GALNT13: variants seen among roughly 807,000 people sequenced by gnomAD.
The protein encoded by GALNT13 is UDP-GalNAc:polypeptide N-acetylgalactosaminyltransferase 13.
A neutral mutation model predicts 64.2 loss-of-function variants in GALNT13; 28 were observed. The ratio of observed to expected loss-of-function variants is 0.44; its 90% CI spans 0.32 to 0.60. The LOEUF (loss-of-function observed/expected upper bound fraction) is 0.60. Ranked by LOEUF, GALNT13 falls within the 20% of genes least tolerant of loss-of-function variation. GALNT13 has a pLI of 0.05. For missense variants in GALNT13, 577 were observed against 669.8 expected (o/e 0.86, Z 1.53); for synonymous variants, 214 against 224.6 (o/e 0.95, Z 0.42).
At chr2:153,331,930 T>C in the GALNT13 span, among the ~76,000 whole-genome samples, 6 of 152,202 alleles carry the variant, frequency 3.9e-5, no homozygotes, top group African/African-American at 1.4e-4. Flanking sequence ...GGAATTTATC[T>C]ATTTACTCTA....
the GALNT13 span, chr2:153,201,622 C>T: frequency 1.3e-5 from 2 of 152,036 alleles, no homozygotes; most frequent in African/African-American, 4.8e-5. Context: ...CATCCACCAA[C>T]TCTATTTTAG....
the GALNT13 span, among the ~76,000 whole-genome samples, chr2:153,191,204 T>C: frequency 1.3e-5 from 2 of 152,112 alleles, no homozygotes; most frequent in Non-Finnish European, 2.9e-5. Context: ...ATGTTAGCTG[T>C]ATGTTTGTCT....
the GALNT13 span, among the ~76,000 whole-genome samples, chr2:153,331,152 A>C: frequency 6.6e-6 from 1 of 152,072 alleles, no homozygotes; most frequent in Non-Finnish European, 1.5e-5. Flanking sequence ...TAACTTTTCA[A>C]ATTGCTGTTA....
chr2:153,562,236 C>T, the GALNT13 span, among the ~76,000 whole-genome samples: 1 of 152,082 alleles, frequency 6.6e-6, no homozygotes, highest in African/African-American at 2.4e-5. Flanking sequence ...AAGGCCTGTG[C>T]TTTTTTCCTA....
chr2:153,911,339 C>T (rs1427086240), intron 2 of GALNT13, among the ~76,000 whole-genome samples: 1 of 152,002 alleles, frequency 6.6e-6, no homozygotes. Flanking sequence ...GACAGCATAC[C>T]ACTGAGTCTT....
intron 9 of GALNT13, among the ~76,000 whole-genome samples, chr2:154,368,822 C>A (rs1021218143): frequency 1.2e-4 from 18 of 152,110 alleles, no homozygotes; most frequent in African/African-American, 3.9e-4. Context: ...TTCTTCATAA[C>A]TTTTTGGTAA....
chr2:154,147,367 A>T (rs1683671486), intron 4 of GALNT13, among the ~76,000 whole-genome samples: 1 of 145,928 alleles, frequency 6.9e-6, no homozygotes, highest in African/African-American at 2.5e-5. Flanking sequence ...ATATATATAT[A>T]TTTGAATGGA....
At chr2:153,279,998 G>A in the GALNT13 span, among the ~76,000 whole-genome samples, 4 of 151,962 alleles carry the variant, frequency 2.6e-5, no homozygotes, top group South Asian at 2.1e-4. Flanking sequence ...GCCAGTCTGG[G>A]GCTTTTATTG....
chr2:154,169,689 GCTGGGCTGATAA>G (rs1685246675), intron 4 of GALNT13, among the ~76,000 whole-genome samples: 1 of 152,178 alleles, frequency 6.6e-6, no homozygotes, highest in Admixed American at 6.5e-5. Flanking sequence ...AGTTTTCAAA[GCTGGGCTGATAA>G]CTGGAGCTGC....
chr2:153,751,993 A>T, the GALNT13 span, among the ~76,000 whole-genome samples: 1 of 150,272 alleles, frequency 6.7e-6, no homozygotes, highest in Non-Finnish European at 1.5e-5. Context: ...TTGTGTATTC[A>T]TTGTATGTTT....
At chr2:153,680,243 T>A in the GALNT13 span, among the ~76,000 whole-genome samples, 2 of 151,850 alleles carry the variant, frequency 1.3e-5, no homozygotes, top group African/African-American at 4.8e-5. Flanking sequence ...TAATGCCATA[T>A]GACAGACGAA....
At chr2:153,835,094 A>G in the GALNT13 span, among the ~76,000 whole-genome samples, 1 of 152,154 alleles carries the variant, frequency 6.6e-6, no homozygotes, top group South Asian at 2.1e-4. Flanking sequence ...GCCTCCTCTC[A>G]TGGTACTTTT....
the GALNT13 span, among the ~76,000 whole-genome samples, chr2:153,363,464 T>C: frequency 1.8e-3 from 266 of 150,648 alleles, 1 homozygote; most frequent in African/African-American, 4.5e-3. Context: ...TTTGAAAAAA[T>C]TAACAAAATA....
chr2:154,083,404 T>C (rs1381780037), intron 3 of GALNT13, among the ~76,000 whole-genome samples: 1 of 152,040 alleles, frequency 6.6e-6, no homozygotes, highest in Non-Finnish European at 1.5e-5. Flanking sequence ...GGCTCTTTTT[T>C]GGTGCCATGT....
At chr2:153,136,669 T>G in the GALNT13 span, among the ~76,000 whole-genome samples, 1 of 152,116 alleles carries the variant, frequency 6.6e-6, no homozygotes, top group Non-Finnish European at 1.5e-5. Flanking sequence ...AACATTTTCA[T>G]AACTAAAACT....
the GALNT13 span, among the ~76,000 whole-genome samples, chr2:153,560,600 T>G: frequency 6.6e-6 from 1 of 152,110 alleles, no homozygotes; most frequent in Non-Finnish European, 1.5e-5. Context: ...ATTTCTCCAC[T>G]GATTTGAGAT....
At chr2:154,400,195 T>A (rs554145956) in intron 10 of GALNT13, among the ~76,000 whole-genome samples, 1 of 152,298 alleles carries the variant, frequency 6.6e-6, no homozygotes, top group African/African-American at 2.4e-5. Context: ...GTTATTAACC[T>A]TTATTGGAAA....
At chr2:154,454,304 A>G (rs1288406637), downstream of GALNT13, among the ~76,000 whole-genome samples, 1 of 152,176 alleles carries the variant, frequency 6.6e-6, no homozygotes, top group Non-Finnish European at 1.5e-5. Context: ...TATTGTTAAT[A>G]TAAACTAATA....
chr2:153,615,940 T>C, the GALNT13 span, among the ~76,000 whole-genome samples: 1 of 152,012 alleles, frequency 6.6e-6, no homozygotes, highest in Non-Finnish European at 1.5e-5. Flanking sequence ...TAACTTGATG[T>C]GATTCCATTT....
Sources: allele counts gnomAD v4.1 joint callset (sites outside exome capture counted in the v4.1 genomes callset), GRCh38; gene constraint gnomAD v4.1.1; transcripts MANE v1.5; gene names NCBI Gene and HGNC (gene_info 2026-07-23, HGNC 2026-07-21).